PDK1: variants seen among roughly 807,000 people sequenced by gnomAD.
PDK1 encodes pyruvate dehydrogenase kinase 1.
PDK1 carries 39 observed loss-of-function variants against 54.2 expected under a neutral mutation model. That is an observed-to-expected ratio of 0.72 (90% CI 0.56 to 0.94). The LOEUF is 0.94. Ranked by LOEUF, PDK1 falls within the 40% of genes least tolerant of loss-of-function variation. The pLI, the probability that PDK1 is intolerant of heterozygous loss-of-function variation, is 0.00. For missense variants in PDK1, 552 were observed against 566.0 expected (o/e 0.98, Z 0.25); for synonymous variants, 221 against 207.1 (o/e 1.07, Z -0.58).
chr2:172,646,075 GCA>G, the PDK1 span, among the ~76,000 whole-genome samples: 1 of 152,294 alleles, frequency 6.6e-6, no homozygotes, highest in South Asian at 2.1e-4. Flanking sequence ...TAGCATAATT[GCA>G]CAGTGTGCAC....
At chr2:172,613,006 T>G (rs1023816346), downstream of PDK1, among the ~76,000 whole-genome samples, 1 of 152,144 alleles carries the variant, frequency 6.6e-6, no homozygotes, top group African/African-American at 2.4e-5. Context: ...AGTTGTGTCA[T>G]TTGGGTACTC....
intron 8 of PDK1, among the ~76,000 whole-genome samples, chr2:172,571,705 T>C (rs916990982): frequency 1.3e-5 from 2 of 152,080 alleles, no homozygotes; most frequent in African/African-American, 4.8e-5. Flanking sequence ...TTTTCTTTTT[T>C]AATAATCATT....
At chr2:172,647,023 C>A in the PDK1 span, among the ~76,000 whole-genome samples, 1 of 152,056 alleles carries the variant, frequency 6.6e-6, no homozygotes, top group South Asian at 2.1e-4. Context: ...AGGAGTGAAC[C>A]ACCATGCCCA....
chr2:172,715,188 T>C, the PDK1 span, among the ~76,000 whole-genome samples: 2 of 152,178 alleles, frequency 1.3e-5, no homozygotes, highest in Non-Finnish European at 2.9e-5. Flanking sequence ...GCAGCTTCCC[T>C]GTAGGCACTG....
rs895729056 is a variant in PDK1, at chr2:172,607,098, C to T, written c.*11129C>T. ...ATGTTTTAAACCAGCCAAAGACTAA[C>T]ATCAACATGCTTACATTTTGAGTCC... On this transcript the variant is annotated 3_prime_UTR_variant, in exon 11 of 11. Transcript: ENST00000282077. 4.6e-5 allele frequency: 7 copies of T among 152,198 alleles called. No homozygotes were observed. The highest frequency in any genetic ancestry group is 1.3e-4 in the Admixed American group (2 of 15,280). The allele number at this position is 152,198 out of a possible 1,614,324, so 9.4% of individuals were successfully genotyped here.
At position 172,606,521 on chromosome 2, in the gene PDK1, C is replaced by T. The variant is rs939324568; in HGVS notation, c.*10552C>T. 5.3e-5 allele frequency: 8 copies of T among 152,162 alleles called. No homozygotes were observed. The highest frequency in any genetic ancestry group is 2.6e-4 in the Admixed American group (4 of 15,272). 9.4% of individuals were successfully genotyped at this position (152,162 alleles called of 1,614,324 possible). ...AACATCTGCACTCAGCAACATGAAG[C>T]ACAAGTTCTGTGCAGTTGTCCATAT... is the stretch of plus-strand genomic sequence containing the variant. On this transcript the variant is annotated 3_prime_UTR_variant, in exon 11 of 11. Coordinates refer to ENST00000282077, the MANE Select transcript of PDK1 (RefSeq NM_002610.5).
intron 2 of PDK1, among the ~76,000 whole-genome samples, chr2:172,559,523 C>T (rs1442579488): frequency 6.6e-6 from 1 of 152,008 alleles, no homozygotes; most frequent in African/African-American, 2.4e-5. Flanking sequence ...ATGATTCTCT[C>T]CATTTTATTC....
chr2:172,587,665 T>TG (rs901043862), intron 9 of PDK1, among the ~76,000 whole-genome samples: 5 of 149,858 alleles, frequency 3.3e-5, no homozygotes, highest in African/African-American at 7.3e-5. Flanking sequence ...CTGCTGGCTG[T>TG]GGGGGCCTGC....
rs1175087926 is a variant in PDK1, at chr2:172,583,281, G to GTTTTTTTTTTTTTTTT, written c.946-2981_946-2966dup. 1.8e-4 allele frequency among the ~76,000 whole-genome samples: 14 copies of GTTTTTTTTTTTTTTTT among 77,076 alleles called. 2 individuals carry two copies. Among genetic ancestry groups the GTTTTTTTTTTTTTTTT allele is most frequent in the African/African-American group, 7.0e-4 (13 of 18,482 alleles). 50.6% of individuals were successfully genotyped at this position (77,076 alleles called of 152,430 possible). ...CATAATGCTGCATAAAAGTTTTCTG[G>GTTTTTTTTTTTTTTTT]TTTTTTTTTTTTTTTTTTTTTTTTT... On this transcript the variant is annotated intron_variant, in intron 8 of 10. Transcript: ENST00000282077.
the PDK1 span, chr2:172,723,390 T>C: frequency 6.6e-6 from 1 of 152,196 alleles, no homozygotes; most frequent in Non-Finnish European, 1.5e-5. Context: ...TTTTTTATTT[T>C]CACAGGACAT....
chr2:172,567,600 G>A (rs888266841), intron 6 of PDK1, among the ~76,000 whole-genome samples: 10 of 152,210 alleles, frequency 6.6e-5, no homozygotes, highest in African/African-American at 2.4e-4. Context: ...GTGAAGTTAT[G>A]CAATTGAAAA....
At chr2:172,613,818 G>A in the PDK1 span, among the ~76,000 whole-genome samples, 2 of 152,190 alleles carry the variant, frequency 1.3e-5, no homozygotes, top group South Asian at 4.1e-4. Flanking sequence ...GGAACTCCCA[G>A]TGCTGCTGCA....
At chr2:172,628,252 T>G in the PDK1 span, among the ~76,000 whole-genome samples, 1 of 152,250 alleles carries the variant, frequency 6.6e-6, no homozygotes, top group Non-Finnish European at 1.5e-5. Context: ...AAGCGTTAGC[T>G]TAGCTACCTG....
intron 8 of PDK1, among the ~76,000 whole-genome samples, chr2:172,579,525 C>CTTTTTTTTTTT (rs10660737): frequency 1.6e-5 from 2 of 122,562 alleles, no homozygotes; most frequent in African/African-American, 3.1e-5. Flanking sequence ...CCCGCTCTTT[C>CTTTTTTTTTTT]TTTTTTTTTT....
intron 1 of PDK1, among the ~76,000 whole-genome samples, chr2:172,556,963 C>T (rs1261077115): frequency 6.6e-6 from 1 of 152,176 alleles, no homozygotes; most frequent in East Asian, 1.9e-4. Flanking sequence ...AGAAGCTGTT[C>T]AACAAATTGC....
the PDK1 span, among the ~76,000 whole-genome samples, chr2:172,644,475 T>C: frequency 6.6e-6 from 1 of 152,176 alleles, no homozygotes; most frequent in African/African-American, 2.4e-5. Context: ...CTTTACAGGG[T>C]GGTTGTGAGG....
chr2:172,666,749 A>C, the PDK1 span, among the ~76,000 whole-genome samples: 1 of 152,082 alleles, frequency 6.6e-6, no homozygotes, highest in Admixed American at 6.5e-5. Flanking sequence ...AGAGGCTAGA[A>C]GGGGGTTATT....
intron 10 of PDK1, among the ~76,000 whole-genome samples, chr2:172,593,996 T>A (rs1263332930): frequency 1.3e-5 from 2 of 151,932 alleles, no homozygotes; most frequent in East Asian, 1.9e-4. Flanking sequence ...TTTAACCATG[T>A]CAATTGCGAG....
intron 3 of PDK1, chr2:172,562,620 A>G: frequency 1.5e-6 from 1 of 666,758 alleles, no homozygotes; most frequent in South Asian, 1.8e-5. Flanking sequence ...ATATGAAAAT[A>G]CTGCCCATAT....
Sources: gnomAD v4.1 joint callset for allele counts (sites outside exome capture counted in the v4.1 genomes callset) on GRCh38, gnomAD v4.1.1 for gene constraint, MANE v1.5 for transcripts, NCBI Gene and HGNC (gene_info 2026-07-23, HGNC 2026-07-21) for gene names.